Variants in ANKS1B observed in about 807,000 individuals in gnomAD.
ANKS1B encodes the protein ankyrin repeat and sterile alpha motif domain-containing protein 1B.
A neutral mutation model predicts 148.3 loss-of-function variants in ANKS1B; 36 were observed. The observed-to-expected ratio is 0.24, with a 90% CI of 0.19 to 0.32. The LOEUF (loss-of-function observed/expected upper bound fraction) is 0.32, where lower values mean the gene tolerates loss of function less well. Ranked by LOEUF, ANKS1B falls within the 10% of genes least tolerant of loss-of-function variation. The pLI, the probability that ANKS1B is intolerant of heterozygous loss-of-function variation, is 1.00. For missense variants in ANKS1B, 1,157 were observed against 1,542.6 expected, an observed-to-expected ratio of 0.75 and a Z score of 4.19; for synonymous variants, 542 against 560.8, an observed-to-expected ratio of 0.97 and a Z score of 0.47.
chr12:99,560,687 T>C (rs1036482469), intron 9 of ANKS1B, among the ~76,000 whole-genome samples: 2 of 152,144 alleles, frequency 1.3e-5, no homozygotes, highest in Non-Finnish European at 2.9e-5. Context: ...TTTAAAAACA[T>C]TCTATTGCTA....
chr12:98,782,534 A>C (rs1299259791), intron 22 of ANKS1B, among the ~76,000 whole-genome samples: 4 of 152,228 alleles, frequency 2.6e-5, no homozygotes, highest in African/African-American at 9.6e-5. Flanking sequence ...TCTGGAATGC[A>C]GCCAGAATTC....
chr12:99,138,977 TCTCC>T (rs560516028), intron 15 of ANKS1B, among the ~76,000 whole-genome samples: 102 of 150,386 alleles, frequency 6.8e-4, no homozygotes, highest in Admixed American at 3.2e-3. Flanking sequence ...TTTCTCTCTG[TCTCC>T]CTCCCTCCCT....
At chr12:99,299,997 G>A (rs2081392909) in intron 12 of ANKS1B, among the ~76,000 whole-genome samples, 1 of 152,252 alleles carries the variant, frequency 6.6e-6, no homozygotes, top group South Asian at 2.1e-4. Context: ...ACAGATGGCT[G>A]TAATCAAATC....
intron 17 of ANKS1B, among the ~76,000 whole-genome samples, chr12:98,885,361 C>A (rs566256597): frequency 1.3e-5 from 2 of 152,210 alleles, no homozygotes; most frequent in Non-Finnish European, 2.9e-5. Flanking sequence ...TGGTTCTTAA[C>A]CCTGTGTTCA....
intron 3 of ANKS1B, among the ~76,000 whole-genome samples, chr12:99,807,575 A>G (rs2067796629): frequency 6.6e-6 from 1 of 152,200 alleles, no homozygotes; most frequent in South Asian, 2.1e-4. Context: ...TTCTGGAAAG[A>G]AAGAGCAGCT....
Position 99,723,694 on chromosome 12 carries a change from G to GA in ANKS1B, c.1128+49227dup, listed in dbSNP as rs149028250. On this transcript the variant is annotated intron_variant, in intron 8 of 26. Transcript: ENST00000683438. ...CTCCCTGTACCACCCAACTAGGTGAGACCATCAAACAGGGGTTGTCAGACA... is the reference window on the plus strand; with the variant it reads ...CTCCCTGTACCACCCAACTAGGTGAGAACCATCAAACAGGGGTTGTCAGACA... 5.0e-3 allele frequency among the ~76,000 whole-genome samples: 758 copies of GA among 152,270 alleles called. 10 individuals carry two copies. The highest frequency in any genetic ancestry group is 0.017 in the African/African-American group (724 of 41,542).
At chr12:99,872,934 C>G (rs2091690956) in intron 1 of ANKS1B, among the ~76,000 whole-genome samples, 2 of 152,042 alleles carry the variant, frequency 1.3e-5, no homozygotes, top group Admixed American at 1.3e-4. Flanking sequence ...AGTTTTGTCC[C>G]TATAACCCCC....
chr12:99,554,273 T>C (rs919622695), intron 9 of ANKS1B, among the ~76,000 whole-genome samples: 1 of 152,102 alleles, frequency 6.6e-6, no homozygotes, highest in Admixed American at 6.6e-5. Context: ...CAGTTATATA[T>C]CTCTGAGCCA....
chr12:98,967,751 T>TAAA lies in ANKS1B; in HGVS notation c.2778+85403_2778+85405dup, dbSNP rs544792811. Among the ~76,000 whole-genome samples the TAAA allele has an allele frequency of 1.4e-3, 110 of 81,354 alleles. 1 individual carries two copies. Among genetic ancestry groups the TAAA allele is most frequent in the African/African-American group, 4.0e-3 (106 of 26,630 alleles). 53.4% of individuals were successfully genotyped at this position (81,354 alleles called of 152,430 possible). ...GGTAGATTTTGGAGACAGACAAATC[T>TAAA]AAAAAAAAAAAAAAAAAAAAGAAAT... On this transcript the variant is annotated intron_variant, in intron 17 of 26. Coordinates refer to ENST00000683438, the MANE Select transcript of ANKS1B (RefSeq NM_001352186.2).
chr12:99,208,987 T>C (rs2083013019), intron 14 of ANKS1B, among the ~76,000 whole-genome samples: 1 of 152,182 alleles, frequency 6.6e-6, no homozygotes, highest in Admixed American at 6.5e-5. Context: ...AATATGGTTA[T>C]TTGCATAAAT....
chr12:99,526,027 G>C (rs7964102), intron 9 of ANKS1B, among the ~76,000 whole-genome samples: 1 of 151,834 alleles, frequency 6.6e-6, no homozygotes, highest in Non-Finnish European at 1.5e-5. Context: ...ACAGGCAGTT[G>C]TAAAAATAGC....
intron 15 of ANKS1B, among the ~76,000 whole-genome samples, chr12:99,124,723 G>C (rs2063820503): frequency 6.6e-6 from 1 of 152,126 alleles, no homozygotes; most frequent in Non-Finnish European, 1.5e-5. Context: ...ACTTGGGAAA[G>C]ATAGGGGAGG....
intron 14 of ANKS1B, among the ~76,000 whole-genome samples, chr12:99,189,887 G>C (rs1362170570): frequency 1.3e-5 from 2 of 152,196 alleles, no homozygotes; most frequent in South Asian, 2.1e-4. Context: ...AATAGGAAGA[G>C]AGGAAGTCAA....
chr12:99,810,676 A>C (rs2068243602), intron 3 of ANKS1B, among the ~76,000 whole-genome samples: 1 of 152,012 alleles, frequency 6.6e-6, no homozygotes, highest in South Asian at 2.1e-4. Flanking sequence ...GATCTATTCA[A>C]CATTACCAAA....
At chr12:98,920,913 C>T (rs2099800536) in intron 17 of ANKS1B, among the ~76,000 whole-genome samples, 1 of 152,124 alleles carries the variant, frequency 6.6e-6, no homozygotes, top group Non-Finnish European at 1.5e-5. Context: ...ATAATTTAAT[C>T]AGCTGGCAAA....
intron 17 of ANKS1B, among the ~76,000 whole-genome samples, chr12:98,872,700 A>G (rs1412668197): frequency 6.6e-6 from 1 of 152,130 alleles, no homozygotes; most frequent in Non-Finnish European, 1.5e-5. Flanking sequence ...CTAAGGAGAG[A>G]GGTCTCAGAA....
chr12:99,469,891 A>AG (rs543009667), intron 10 of ANKS1B, among the ~76,000 whole-genome samples: 215 of 152,132 alleles, frequency 1.4e-3, no homozygotes, highest in African/African-American at 4.7e-3. Context: ...AGACTGAGGT[A>AG]GGAGGATTGC....
intron 9 of ANKS1B, among the ~76,000 whole-genome samples, chr12:99,594,077 A>T (rs909851325): frequency 3.3e-5 from 5 of 151,984 alleles, no homozygotes; most frequent in East Asian, 3.9e-4. Flanking sequence ...TCTAAATCTC[A>T]TTCTCCCCCT....
chr12:99,478,911 C>T (rs1428780992), intron 10 of ANKS1B, among the ~76,000 whole-genome samples: 2 of 152,006 alleles, frequency 1.3e-5, no homozygotes, highest in African/African-American at 4.8e-5. Flanking sequence ...TTTAAATTTT[C>T]TAATACCCAT....
Sources: gnomAD v4.1 joint callset for allele counts (sites outside exome capture counted in the v4.1 genomes callset) on GRCh38, gnomAD v4.1.1 for gene constraint, MANE v1.5 for transcripts, NCBI Gene and HGNC (gene_info 2026-07-23, HGNC 2026-07-21) for gene names.